The following THAP2 variants were observed in gnomAD, a reference collection of about 807,000 sequenced individuals.
THAP2 encodes the protein THAP domain-containing protein 2.
THAP2 carries 16 observed loss-of-function variants against 18.8 expected under a neutral mutation model. The observed-to-expected ratio is 0.85, with a 90% CI of 0.58 to 1.29. The LOEUF (loss-of-function observed/expected upper bound fraction) is 1.29. THAP2 is among the 50% of genes most tolerant of loss of function. The probability of loss-of-function intolerance (pLI) is 0.00; values close to 1 mark genes in which losing one functional copy is unlikely to be tolerated. For missense variants in THAP2, 251 were observed against 265.3 expected, an observed-to-expected ratio of 0.95 and a Z score of 0.38; for synonymous variants, 80 against 89.2, an observed-to-expected ratio of 0.90 and a Z score of 0.58.
chr12:71,671,369 C>G (rs2137579319), intron 1 of THAP2, among the ~76,000 whole-genome samples: 1 of 152,302 alleles, frequency 6.6e-6, no homozygotes, highest in Admixed American at 6.5e-5. Flanking sequence ...CAACTTCTTC[C>G]TCATCATCTG....
At chr12:71,672,657 C>T (rs1881460086) in intron 1 of THAP2, among the ~76,000 whole-genome samples, 1 of 151,356 alleles carries the variant, frequency 6.6e-6, no homozygotes, top group African/African-American at 2.4e-5. Flanking sequence ...TACAGTGGTC[C>T]TGGATTTATT....
Position 71,678,662 on chromosome 12 carries a change from A to AT in THAP2, c.*1561dup, listed in dbSNP as rs1881556772. On this transcript the variant is annotated 3_prime_UTR_variant, in exon 3 of 3. Coordinates refer to ENST00000308086, the MANE Select transcript of THAP2 (RefSeq NM_031435.4). ...CCTGTAAAGTAATAGCTACTTCATG[A>AT]TTTTTTTAAAAATTTCATTTTTTTG... 1.3e-5 allele frequency: 2 copies of AT among 151,248 alleles called. No individual in the cohort carries two copies. The highest frequency in any genetic ancestry group is 2.9e-5 in the Non-Finnish European group (2 of 67,994). 9.4% of individuals were successfully genotyped at this position (151,248 alleles called of 1,614,324 possible).
rs952025302 is a variant in THAP2, at chr12:71,679,861, C to A, written c.*2753C>A. ...AGGTACAAGGACATTGGCATTTGAC[C>A]TGAATTATGGTGTTTTATTGAATGA... On this transcript the variant is annotated 3_prime_UTR_variant, in exon 3 of 3. Transcript: ENST00000308086. 1 of 152,034 alleles carries A rather than the reference C, an allele frequency of 6.6e-6. No individual in the cohort carries two copies. The highest frequency in any genetic ancestry group is 1.5e-5 in the Non-Finnish European group (1 of 67,976). The allele number at this position is 152,034 out of a possible 1,614,324, so 9.4% of individuals were successfully genotyped here.
In THAP2 at chr12:71,678,263, C is replaced by T. The variant is rs1380713405; in HGVS notation, c.*1155C>T. On this transcript the variant is annotated 3_prime_UTR_variant, in exon 3 of 3. Coordinates refer to ENST00000308086, the MANE Select transcript of THAP2 (RefSeq NM_031435.4). The stretch of plus-strand genomic sequence containing the variant: ...TGAGCTGTGATTGCACGACTGCACT[C>T]CAGCCTGGGCAATGGAGTGAGACTC... 1.3e-5 allele frequency: 2 copies of T among 152,464 alleles called. No individual in the cohort carries two copies. The highest frequency in any genetic ancestry group is 6.6e-5 in the Admixed American group (1 of 15,264). The allele number at this position is 152,464 out of a possible 1,614,324, so 9.4% of individuals were successfully genotyped here.
Position 71,674,241 on chromosome 12 carries a change from G to T in THAP2, c.110G>T (p.Arg37Leu), listed in dbSNP as rs761306932. The T allele has an allele frequency of 6.2e-7, 1 of 1,608,606 alleles. No individual in the cohort carries two copies. Among genetic ancestry groups the T allele is most frequent in the Admixed American group, 1.7e-5 (1 of 59,704 alleles). Residue 37 changes from arginine (R) to leucine (L), a missense_variant, in exon 2 of 3, where the codon CGC (arginine) becomes CTC (leucine). Coordinates refer to ENST00000308086, the MANE Select transcript of THAP2 (RefSeq NM_031435.4). ...LDPKRRKEWV[R>L]LVRRKNFVPG... ...CCTAAAAGAAGAAAAGAATGGGTTC[G>T]CCTGGTTAGGCGCAAAAATTTTGTG...
At chr12:71,666,290 A>T (rs537251821) in intron 1 of THAP2, among the ~76,000 whole-genome samples, 2 of 152,274 alleles carry the variant, frequency 1.3e-5, no homozygotes, top group South Asian at 4.1e-4. Flanking sequence ...CGGGCTGATC[A>T]CTTGAGCCCA....
intron 2 of THAP2, among the ~76,000 whole-genome samples, chr12:71,675,323 G>T (rs1439389149): frequency 6.6e-6 from 1 of 152,060 alleles, no homozygotes; most frequent in East Asian, 1.9e-4. Flanking sequence ...AGGAGGACAA[G>T]AACTTAGTCT....
chr12:71,668,166 T>C (rs1412500756), intron 1 of THAP2, among the ~76,000 whole-genome samples: 1 of 152,154 alleles, frequency 6.6e-6, no homozygotes, highest in Non-Finnish European at 1.5e-5. Flanking sequence ...TTCATAACAC[T>C]ATTCTCTGTC....
chr12:71,672,504 A>G (rs576370614), intron 1 of THAP2, among the ~76,000 whole-genome samples: 1 of 152,302 alleles, frequency 6.6e-6, no homozygotes, highest in African/African-American at 2.4e-5. Context: ...GTCCTGGAAT[A>G]CAGGTATGGC....
chr12:71,676,703 GA>G lies in THAP2; in HGVS notation c.284del (p.Asn95IlefsTer3), dbSNP rs1881524917. On this transcript the variant is annotated frameshift_variant, in exon 3 of 3. Transcript: ENST00000308086. LOFTEE classifies it high-confidence loss of function. ...ATTCGGCTCAGAAACTCAAGTCAAG[GA>G]ATCTTTTGAAGAAAAACAACAGTTG... ...HIKSMKLKSR[N>X]LLKKNNSCSP... is the part of the protein sequence containing the mutation. 6.3e-7 allele frequency: 1 copy of G among 1,576,468 alleles called. No individual in the cohort carries two copies. Among genetic ancestry groups the G allele is most frequent in the African/African-American group, 1.4e-5 (1 of 72,688 alleles).
rs982722667 is a variant in THAP2, at chr12:71,677,455, G to A, written c.*347G>A. ...AGAATTTTTTCCTGTACCAAAGTTG[G>A]CATATTGCATTCTAAATAAGATGCT... On this transcript the variant is annotated 3_prime_UTR_variant, in exon 3 of 3. Transcript: ENST00000308086. 1 of 157,606 alleles carries A rather than the reference G, an allele frequency of 6.3e-6. No homozygotes were observed. Among genetic ancestry groups the A allele is most frequent in the South Asian group, 2.0e-4 (1 of 5,080 alleles). The allele number at this position is 157,606 out of a possible 1,614,324, so 9.8% of individuals were successfully genotyped here. A position where few individuals can be genotyped will look rare whatever the true frequency, so the allele number is the denominator to read the frequency against.
chr12:71,664,555 AAGCAC>A lies in THAP2; in HGVS notation c.48_52del (p.Lys16AsnfsTer2). On this transcript the variant is annotated frameshift_variant, in exon 1 of 3. Coordinates refer to ENST00000308086, the MANE Select transcript of THAP2 (RefSeq NM_031435.4). LOFTEE classifies it high-confidence loss of function. ...GGCGGGCTGTGCCACTACCTACAAC[AAGCAC>A]ATTAACATCAGCTTCCACAGGTAAC... 2 of 1,614,108 alleles carry A rather than the reference AAGCAC, an allele frequency of 1.2e-6. No individual in the cohort carries two copies. The highest frequency in any genetic ancestry group is 1.7e-6 in the Non-Finnish European group (2 of 1,180,014).
In THAP2 at chr12:71,676,981, C is replaced by G. The variant is rs757995910; in HGVS notation, c.560C>G (p.Ser187Ter). The change falls in exon 3 of 3, where the codon TCA (serine) becomes TGA (stop). Residue 187 changes from serine (S) to a stop codon, truncating the protein, a stop_gained. Coordinates refer to ENST00000308086, the MANE Select transcript of THAP2 (RefSeq NM_031435.4). LOFTEE classifies it high-confidence loss of function. ...AATAGTGTATTACCTAAAGGTACAT[C>G]AGAACACATGTTACCAACTGCCTTA... ...EANSVLPKGTSEHMLPTALSS... is the reference protein window; with the variant it reads ...EANSVLPKGT The G allele has an allele frequency of 6.2e-7, 1 of 1,613,686 alleles. No homozygotes were observed.
chr12:71,665,274 G>C, intron 1 of THAP2: 2 of 271,612 alleles, frequency 7.4e-6, no homozygotes, highest in Non-Finnish European at 1.4e-5. Flanking sequence ...TGCCTGCCAC[G>C]TGCCCGAAGA....
In THAP2 at chr12:71,674,397, T is replaced by C. The variant is rs768052177; in HGVS notation, c.266T>C (p.Met89Thr). The change falls in exon 2 of 3, where the codon ATG becomes ACG. Residue 89 changes from methionine (M) to threonine (T), a missense_variant and splice_region_variant. Physicochemically the swap from Met to Thr is moderately conservative, Grantham distance 81 (BLOSUM62 -1). Coordinates refer to ENST00000308086, the MANE Select transcript of THAP2 (RefSeq NM_031435.4). ...GATTTTTGTACCCATATAAAGTCTA[T>C]GGTAGGTAATGTTACTCTCCTTTTG... ...IFDFCTHIKS[M>T]KLKSRNLLKK... 1.0e-5 allele frequency: 16 copies of C among 1,582,920 alleles called. No homozygotes were observed. The highest frequency in any genetic ancestry group is 1.8e-5 in the Admixed American group (1 of 56,334).
intron 1 of THAP2, among the ~76,000 whole-genome samples, chr12:71,670,061 A>G (rs1007946982): frequency 6.6e-6 from 1 of 152,102 alleles, no homozygotes; most frequent in African/African-American, 2.4e-5. Flanking sequence ...GGGTACGTAT[A>G]GGGTTGAGGG....
chr12:71,674,186 A>ATT lies in THAP2; in HGVS notation c.72-5_72-4dup, dbSNP rs5799053. On this transcript the variant is annotated splice_polypyrimidine_tract_variant and intron_variant, in intron 1 of 2. Transcript: ENST00000308086. ...TTATGATAGTTGGAATTTGAGTTGC[A>ATT]TTTTTTTTTTTTTAAGGTTTCCTTT... 0.022 allele frequency: 28,827 copies of ATT among 1,320,846 alleles called. 39 individuals carry two copies. Among genetic ancestry groups the ATT allele is most frequent in the East Asian group, 0.11 (3,848 of 34,002 alleles). 81.8% of individuals were successfully genotyped at this position (1,320,846 alleles called of 1,614,324 possible).
intron 2 of THAP2, among the ~76,000 whole-genome samples, chr12:71,676,436 A>G (rs1206754785): frequency 1.3e-5 from 2 of 152,080 alleles, no homozygotes; most frequent in Admixed American, 6.6e-5. Flanking sequence ...TTGGACGTCC[A>G]TTGTCTATTT....
intron 1 of THAP2, among the ~76,000 whole-genome samples, chr12:71,667,005 T>C (rs564532617): frequency 4.3e-4 from 66 of 152,358 alleles, no homozygotes; most frequent in African/African-American, 1.4e-3. Flanking sequence ...GTGTTGGGAT[T>C]ACAGGCGTAA....
Sources: allele counts gnomAD v4.1 joint callset (sites outside exome capture counted in the v4.1 genomes callset), GRCh38; gene constraint gnomAD v4.1.1; transcripts MANE v1.5; gene names NCBI Gene and HGNC (gene_info 2026-07-23, HGNC 2026-07-21).